The following LIMCH1 variants were observed in gnomAD, a reference collection of about 807,000 sequenced individuals.
LIMCH1 encodes LIM and calponin homology domains-containing protein 1.
A neutral mutation model predicts 176.5 loss-of-function variants in LIMCH1; 113 were observed. That is an observed-to-expected ratio of 0.64 (90% CI 0.55 to 0.75). The LOEUF is 0.75. Among genes scored for constraint, LIMCH1 ranks in the 30% least tolerant of loss-of-function variants. LIMCH1 has a pLI of 0.00. For missense variants in LIMCH1, 1,674 were observed against 1,814.9 expected (o/e 0.92, Z 1.41); for synonymous variants, 619 against 645.9 (o/e 0.96, Z 0.63).
intron 17 of LIMCH1, 72 bp downstream of exon 17, chr4:41,646,965 C>A: frequency 7.5e-7 from 1 of 1,336,400 alleles, no homozygotes; most frequent in Non-Finnish European, 1.0e-6. Context: ...CATCATGACT[C>A]AAGAAAATGT....
intron 1 of LIMCH1, among the ~76,000 whole-genome samples, chr4:41,449,526 C>A (rs988429342): frequency 1.3e-4 from 20 of 152,296 alleles, no homozygotes; most frequent in Non-Finnish European, 2.6e-4. Context: ...CCTTCTCTCT[C>A]TCTTACTTTC....
intron 1 of LIMCH1, among the ~76,000 whole-genome samples, chr4:41,376,467 A>AT (rs2054791098): frequency 6.6e-6 from 1 of 152,190 alleles, no homozygotes; most frequent in South Asian, 2.1e-4. Flanking sequence ...TTGATAAACT[A>AT]TATGAAATTT....
intron 1 of LIMCH1, among the ~76,000 whole-genome samples, chr4:41,380,801 A>C (rs1203045766): frequency 1.3e-5 from 2 of 152,188 alleles, no homozygotes; most frequent in Admixed American, 6.5e-5. Context: ...GCATCCAGGG[A>C]ATACAGTTAT....
chr4:41,414,680 T>A (rs920881214), intron 1 of LIMCH1, among the ~76,000 whole-genome samples: 2 of 152,190 alleles, frequency 1.3e-5, no homozygotes, highest in African/African-American at 4.8e-5. Flanking sequence ...TGGTCCTGAG[T>A]GTGAAATTTC....
rs188198266 is a variant in LIMCH1 at position 41,672,356 on chromosome 4, C to T, written c.3438+762C>T. 4.2e-3 allele frequency among the ~76,000 whole-genome samples: 640 copies of T among 151,980 alleles called. 3 individuals are homozygous for T. The highest frequency in any genetic ancestry group is 7.9e-3 in the South Asian group (38 of 4,786). ...CTGCACTGCAGCCTGGGTGACAGAG[C>T]GAGACTCCATCTCAAAGAAAAGAAA... On this transcript the variant is annotated intron_variant, in intron 22 of 31. Coordinates refer to ENST00000503057, the MANE Select transcript of LIMCH1 (RefSeq NM_001330672.2).
At chr4:41,652,539 T>G (rs1029013967) in intron 18 of LIMCH1, among the ~76,000 whole-genome samples, 1 of 152,234 alleles carries the variant, frequency 6.6e-6, no homozygotes, top group Non-Finnish European at 1.5e-5. Context: ...GTGTGAGAAC[T>G]TAACTGATAG....
chr4:41,516,064 G>A (rs2075551151), intron 2 of LIMCH1, among the ~76,000 whole-genome samples: 1 of 152,200 alleles, frequency 6.6e-6, no homozygotes, highest in Admixed American at 6.5e-5. Context: ...TCCATTTTAT[G>A]TAGTTATACT....
At chr4:41,493,709 G>C (rs2071518771) in intron 1 of LIMCH1, among the ~76,000 whole-genome samples, 1 of 152,094 alleles carries the variant, frequency 6.6e-6, no homozygotes, top group African/African-American at 2.4e-5. Context: ...ATACTTACCT[G>C]GTATATTTTA....
intron 1 of LIMCH1, among the ~76,000 whole-genome samples, chr4:41,410,134 C>T (rs1300934500): frequency 6.6e-6 from 1 of 151,980 alleles, no homozygotes. Flanking sequence ...AATGAAAGCA[C>T]AGGGAAAAAA....
intron 1 of LIMCH1, among the ~76,000 whole-genome samples, chr4:41,383,878 C>T (rs1412980940): frequency 1.3e-5 from 2 of 152,062 alleles, no homozygotes; most frequent in East Asian, 3.9e-4. Flanking sequence ...GAGGAACCTG[C>T]AGAGAAACTG....
At chr4:41,451,208 C>G (rs536829555) in intron 1 of LIMCH1, among the ~76,000 whole-genome samples, 1 of 152,054 alleles carries the variant, frequency 6.6e-6, no homozygotes, top group Non-Finnish European at 1.5e-5. Context: ...CTCCGCCTCC[C>G]GGGTTCAAGC....
intron 1 of LIMCH1, among the ~76,000 whole-genome samples, chr4:41,397,481 A>G (rs562684155): frequency 3.3e-5 from 5 of 152,200 alleles, no homozygotes; most frequent in African/African-American, 1.2e-4. Flanking sequence ...AGTGTTTTTC[A>G]GTAATATTTA....
intron 4 of LIMCH1, chr4:41,609,658 G>A (rs1408610966): frequency 2.2e-6 from 1 of 455,932 alleles, no homozygotes; most frequent in Non-Finnish European, 4.4e-6. Context: ...GGAGGAAGAT[G>A]AGTAAAATAA....
At chr4:41,600,898 A>G (rs967146942) in intron 2 of LIMCH1, among the ~76,000 whole-genome samples, 2 of 152,114 alleles carry the variant, frequency 1.3e-5, no homozygotes, top group Non-Finnish European at 2.9e-5. Context: ...TAGTTACTGT[A>G]CCATCTTTTT....
chr4:41,523,768 T>C (rs2076349044), intron 2 of LIMCH1, among the ~76,000 whole-genome samples: 1 of 152,242 alleles, frequency 6.6e-6, no homozygotes, highest in African/African-American at 2.4e-5. Flanking sequence ...GTAACCATTG[T>C]TATATAATTT....
chr4:41,691,556 G>A (rs1725670342), intron 30 of LIMCH1, among the ~76,000 whole-genome samples: 1 of 149,272 alleles, frequency 6.7e-6, no homozygotes, highest in Admixed American at 6.7e-5. Flanking sequence ...AGACCAGCCT[G>A]GCCAACATGG....
chr4:41,438,958 T>C (rs1319044116), intron 1 of LIMCH1, among the ~76,000 whole-genome samples: 1 of 152,300 alleles, frequency 6.6e-6, no homozygotes, highest in South Asian at 2.1e-4. Context: ...AATTCACAGA[T>C]CATGCTTGAA....
At chr4:41,655,501 A>G (rs2094437375) in intron 18 of LIMCH1, among the ~76,000 whole-genome samples, 1 of 152,236 alleles carries the variant, frequency 6.6e-6, no homozygotes, top group Admixed American at 6.5e-5. Flanking sequence ...AAGTTGGTCA[A>G]AATTAGCATC....
At chr4:41,690,523 T>A (rs964147082) in intron 30 of LIMCH1, among the ~76,000 whole-genome samples, 10 of 152,206 alleles carry the variant, frequency 6.6e-5, no homozygotes, top group Admixed American at 6.5e-5. Flanking sequence ...AGGCGAACCC[T>A]CTGTCTCTAA....
Sources: allele counts gnomAD v4.1 joint callset (sites outside exome capture counted in the v4.1 genomes callset), GRCh38; gene constraint gnomAD v4.1.1; transcripts MANE v1.5; gene names NCBI Gene and HGNC (gene_info 2026-07-23, HGNC 2026-07-21).